The following SPOCK3 variants were observed in gnomAD, a reference collection of about 807,000 sequenced individuals.
The protein encoded by SPOCK3 is testican-3.
SPOCK3 carries 30 observed loss-of-function variants against 56.6 expected under a neutral mutation model. That is an observed-to-expected ratio of 0.53 (90% CI 0.40 to 0.72). The LOEUF (loss-of-function observed/expected upper bound fraction) is 0.72, where lower values mean the gene tolerates loss of function less well. Ranked by LOEUF, SPOCK3 falls within the 30% of genes least tolerant of loss-of-function variation. SPOCK3 has a pLI of 0.00. For missense variants in SPOCK3, 527 were observed against 530.0 expected (o/e 0.99, Z 0.06); for synonymous variants, 196 against 183.3 (o/e 1.07, Z -0.56).
intron 4 of SPOCK3, among the ~76,000 whole-genome samples, chr4:166,989,697 T>C (rs1254325476): frequency 6.6e-6 from 1 of 152,214 alleles, no homozygotes; most frequent in Non-Finnish European, 1.5e-5. Context: ...ACGCCTCTAT[T>C]ATTTTTCCAC....
At chr4:166,770,089 C>A (rs1056629749) in intron 7 of SPOCK3, among the ~76,000 whole-genome samples, 8 of 152,088 alleles carry the variant, frequency 5.3e-5, no homozygotes, top group Admixed American at 1.3e-4. Context: ...CATCTATCAC[C>A]CTTCCCTCTT....
intron 7 of SPOCK3, among the ~76,000 whole-genome samples, chr4:166,783,452 G>A (rs1740399466): frequency 6.6e-6 from 1 of 152,202 alleles, no homozygotes. Flanking sequence ...TTGGTGAAAA[G>A]ATATTCTCTT....
chr4:167,163,006 G>A (rs10017958), intron 2 of SPOCK3, among the ~76,000 whole-genome samples: 43,086 of 151,198 alleles, frequency 0.28, 7,139 homozygotes, highest in African/African-American at 0.47. Flanking sequence ...CAACTTATAC[G>A]TCATCCATGT....
intron 2 of SPOCK3, among the ~76,000 whole-genome samples, chr4:167,190,290 C>T (rs1732368086): frequency 6.9e-6 from 1 of 145,550 alleles, no homozygotes; most frequent in Non-Finnish European, 1.5e-5. Flanking sequence ...CATCTCTGAT[C>T]TTTTTGGTAA....
intron 6 of SPOCK3, among the ~76,000 whole-genome samples, chr4:166,847,695 CT>C (rs1271278507): frequency 1.5e-5 from 1 of 66,320 alleles, no homozygotes; most frequent in Non-Finnish European, 3.8e-5. Context: ...ATCATGTTTA[CT>C]TTTTTTTACA....
At position 167,000,471 on chromosome 4, in the gene SPOCK3, A is replaced by T. The variant is rs753175621; in HGVS notation, c.236-8T>A. The T allele has an allele frequency of 2.1e-6, 3 of 1,410,804 alleles. No homozygotes were observed. The highest frequency in any genetic ancestry group is 2.9e-5 in the African/African-American group (2 of 69,218). 87.4% of individuals were successfully genotyped at this position (1,410,804 alleles called of 1,614,324 possible). ...CCTTAGCTGGATCTAAAGCTAAAAA[A>T]ATTGCAAAGAAAATATTAAAATAAG... On this transcript the variant is annotated splice_polypyrimidine_tract_variant and splice_region_variant and intron_variant, in intron 3 of 10. Coordinates refer to ENST00000357545, the MANE Select transcript of SPOCK3 (RefSeq NM_001040159.2).
At chr4:167,125,161 T>C (rs1477666410) in intron 2 of SPOCK3, among the ~76,000 whole-genome samples, 1 of 151,218 alleles carries the variant, frequency 6.6e-6, no homozygotes, top group Non-Finnish European at 1.5e-5. Flanking sequence ...GCTCCTCCAT[T>C]AGAAGGTTCT....
intron 6 of SPOCK3, among the ~76,000 whole-genome samples, chr4:166,832,747 T>C (rs894774361): frequency 3.3e-5 from 5 of 152,190 alleles, no homozygotes; most frequent in Non-Finnish European, 7.4e-5. Context: ...GTAATTTCCT[T>C]GCAGCAGCGT....
At chr4:166,924,806 A>G (rs1204915729) in intron 4 of SPOCK3, among the ~76,000 whole-genome samples, 1 of 152,226 alleles carries the variant, frequency 6.6e-6, no homozygotes, top group African/African-American at 2.4e-5. Flanking sequence ...TCTTCCCACC[A>G]TATTGAAGGG....
At chr4:167,070,924 C>T (rs1298544012) in intron 2 of SPOCK3, among the ~76,000 whole-genome samples, 1 of 151,952 alleles carries the variant, frequency 6.6e-6, no homozygotes, top group Non-Finnish European at 1.5e-5. Flanking sequence ...ACTCATTTTC[C>T]ATGTTGTGTC....
intron 3 of SPOCK3, chr4:167,011,383 T>G: frequency 2.2e-6 from 1 of 445,318 alleles, no homozygotes; most frequent in South Asian, 1.6e-5. Context: ...ACTTTCCTTT[T>G]CTATTCTGTA....
chr4:166,772,938 G>A (rs748230084), intron 7 of SPOCK3, among the ~76,000 whole-genome samples: 1 of 152,222 alleles, frequency 6.6e-6, no homozygotes. Context: ...ATAGGCACAA[G>A]CCACCATGCC....
chr4:167,105,191 T>G lies in SPOCK3; in HGVS notation c.190-42654A>C, dbSNP rs1319927308. On this transcript the variant is annotated intron_variant, in intron 2 of 10. Transcript: ENST00000357545. ...ATGTGTAAACTAATATTATCTTAAG[T>G]AGAAAGACTAAATGATGAACCAATC... Among the ~76,000 whole-genome samples, 8 of 151,856 alleles carry G rather than the reference T, an allele frequency of 5.3e-5. No homozygotes were observed. The East Asian group carries it at 1.5e-3, about 29-fold the overall frequency.
chr4:167,083,518 T>C (rs924896539), intron 2 of SPOCK3, among the ~76,000 whole-genome samples: 3 of 152,128 alleles, frequency 2.0e-5, no homozygotes, highest in African/African-American at 7.2e-5. Flanking sequence ...AAGGACTGTA[T>C]TGTCATTTTG....
chr4:167,021,255 CTATT>C, intron 3 of SPOCK3, among the ~76,000 whole-genome samples: 1 of 152,062 alleles, frequency 6.6e-6, no homozygotes. Flanking sequence ...CATTAAATGT[CTATT>C]TAAGTCATCT....
At chr4:166,783,170 C>T (rs979641564) in intron 7 of SPOCK3, among the ~76,000 whole-genome samples, 2 of 152,046 alleles carry the variant, frequency 1.3e-5, no homozygotes, top group Admixed American at 1.3e-4. Flanking sequence ...ACCAGTCTGG[C>T]CAACATGGCA....
intron 8 of SPOCK3, among the ~76,000 whole-genome samples, chr4:166,743,109 C>T (rs1043774161): frequency 6.6e-6 from 1 of 151,990 alleles, no homozygotes; most frequent in African/African-American, 2.4e-5. Flanking sequence ...ATTATATACA[C>T]ATATAATATG....
rs150380651 is a variant in SPOCK3, at chr4:167,107,401, T to A, written c.190-44864A>T. On this transcript the variant is annotated intron_variant, in intron 2 of 10. Coordinates refer to ENST00000357545, the MANE Select transcript of SPOCK3 (RefSeq NM_001040159.2). ...AAGAGAATGAAGGACAAAAACCATATGATCATTTCAATTGTTGCCAAAAAA... is the reference window on the plus strand; with the variant it reads ...AAGAGAATGAAGGACAAAAACCATAAGATCATTTCAATTGTTGCCAAAAAA... 9.1e-4 allele frequency among the ~76,000 whole-genome samples: 138 copies of A among 151,984 alleles called. 1 individual carries two copies. Among genetic ancestry groups the A allele is most frequent in the Non-Finnish European group, 1.7e-3 (115 of 67,852 alleles).
chr4:166,812,760 T>G (rs1374047174), intron 6 of SPOCK3, among the ~76,000 whole-genome samples: 1 of 151,982 alleles, frequency 6.6e-6, no homozygotes, highest in Non-Finnish European at 1.5e-5. Flanking sequence ...CGAATTAAAT[T>G]TATTATTTAA....
Sources: allele counts gnomAD v4.1 joint callset (sites outside exome capture counted in the v4.1 genomes callset), GRCh38; gene constraint gnomAD v4.1.1; transcripts MANE v1.5; gene names NCBI Gene and HGNC (gene_info 2026-07-23, HGNC 2026-07-21).